SEMA3A: variants seen among roughly 807,000 people sequenced by gnomAD.
The protein encoded by SEMA3A is semaphorin 3A, also known as semaphorin-3A.
In SEMA3A, 29 loss-of-function variants were observed where a neutral mutation model predicts 97.9. The observed-to-expected ratio is 0.30, with a 90% CI of 0.22 to 0.40. The LOEUF (loss-of-function observed/expected upper bound fraction) is 0.40, where lower values mean the gene tolerates loss of function less well. Among genes scored for constraint, SEMA3A ranks in the 10% least tolerant of loss-of-function variants. The pLI, the probability that SEMA3A is intolerant of heterozygous loss-of-function variation, is 1.00. For synonymous variants in SEMA3A, 321 were observed against 323.7 expected, an observed-to-expected ratio of 0.99 and a Z score of 0.09; for missense variants, 763 against 951.3, an observed-to-expected ratio of 0.80 and a Z score of 2.60.
intron 12 of SEMA3A, among the ~76,000 whole-genome samples, chr7:83,998,220 C>T (rs748808889): frequency 2.0e-5 from 3 of 152,082 alleles, no homozygotes; most frequent in South Asian, 2.1e-4. Flanking sequence ...TGTCATTGTG[C>T]GAAAAATCAT....
chr7:84,316,596 G>C (rs1420993394), intron 2 of SEMA3A, among the ~76,000 whole-genome samples: 1 of 152,086 alleles, frequency 6.6e-6, no homozygotes, highest in Admixed American at 6.6e-5. Flanking sequence ...AGCATTAAGA[G>C]AGTAGATAGA....
intron 2 of SEMA3A, among the ~76,000 whole-genome samples, chr7:84,320,055 C>T (rs534852741): frequency 6.6e-6 from 1 of 152,116 alleles, no homozygotes; most frequent in Non-Finnish European, 1.5e-5. Flanking sequence ...AGTTGAATCA[C>T]TTCTCTGTTA....
At chr7:84,099,935 T>G (rs6651129) in intron 4 of SEMA3A, among the ~76,000 whole-genome samples, 123,111 of 152,026 alleles carry the variant, frequency 0.81, 49,924 homozygotes, top group Admixed American at 0.86. Flanking sequence ...GTTTTGTCTG[T>G]CTGAAAACTT....
chr7:84,212,532 AC>A (rs5885404), intron 3 of SEMA3A, among the ~76,000 whole-genome samples: 26,549 of 152,150 alleles, frequency 0.17, 2,856 homozygotes, highest in East Asian at 0.57. Context: ...GAATACTCTT[AC>A]GATGTCTGCA....
chr7:84,325,285 A>G (rs1417270126), intron 2 of SEMA3A, among the ~76,000 whole-genome samples: 1 of 152,106 alleles, frequency 6.6e-6, no homozygotes, highest in South Asian at 2.1e-4. Context: ...AAAGAAATAG[A>G]CAATCAACTA....
chr7:84,264,552 T>A (rs903031602), intron 3 of SEMA3A, among the ~76,000 whole-genome samples: 9 of 152,346 alleles, frequency 5.9e-5, no homozygotes, highest in African/African-American at 2.2e-4. Context: ...TGGATCCATG[T>A]GGTTCAGATG....
At chr7:84,439,909 A>G (rs1922350) in intron 1 of SEMA3A, among the ~76,000 whole-genome samples, 11,185 of 152,246 alleles carry the variant, frequency 0.073, 436 homozygotes, top group East Asian at 0.12. Flanking sequence ...TAAAAATTTA[A>G]TAAACCCAGG....
At chr7:84,375,586 T>G (rs1001935127) in intron 1 of SEMA3A, among the ~76,000 whole-genome samples, 2 of 152,188 alleles carry the variant, frequency 1.3e-5, no homozygotes, top group African/African-American at 4.8e-5. Flanking sequence ...GTACTTATTT[T>G]TGGGGTACTG....
Position 83,981,306 on chromosome 7 carries a change from G to C in SEMA3A, c.1652+15C>G. 1 of 1,611,592 alleles carries C rather than the reference G, an allele frequency of 6.2e-7. No individual in the cohort carries two copies. Among genetic ancestry groups the C allele is most frequent in the Non-Finnish European group, 8.5e-7 (1 of 1,178,462 alleles). On this transcript the variant is annotated intron_variant, in intron 14 of 16. Transcript: ENST00000265362. ...AACTAGCAAACATTTCATTTATTTT[G>C]AATATTTTTCCTACCTCTTTGCAGT...
chr7:84,385,854 A>G (rs529244070), intron 1 of SEMA3A, among the ~76,000 whole-genome samples: 2 of 152,212 alleles, frequency 1.3e-5, no homozygotes, highest in African/African-American at 2.4e-5. Context: ...AAAGCTCTGC[A>G]TTGGACTTTT....
At chr7:84,137,354 T>C (rs1796165530) in intron 1 of SEMA3A, among the ~76,000 whole-genome samples, 3 of 145,982 alleles carry the variant, frequency 2.1e-5, no homozygotes, top group Admixed American at 1.4e-4. Flanking sequence ...TGAGCCGAGA[T>C]TGCACCACTG....
At chr7:84,439,176 T>G (rs1222930243) in intron 1 of SEMA3A, among the ~76,000 whole-genome samples, 1 of 151,954 alleles carries the variant, frequency 6.6e-6, no homozygotes. Context: ...AATAAGAGAC[T>G]GGCAAATGGC....
At chr7:84,402,661 A>C (rs562946563) in intron 1 of SEMA3A, among the ~76,000 whole-genome samples, 2 of 152,326 alleles carry the variant, frequency 1.3e-5, no homozygotes, top group South Asian at 4.1e-4. Context: ...CAGCCATAAA[A>C]AGAATATTAT....
At chr7:84,379,094 A>AT (rs1489830766) in intron 1 of SEMA3A, among the ~76,000 whole-genome samples, 5 of 151,850 alleles carry the variant, frequency 3.3e-5, no homozygotes, top group Admixed American at 1.3e-4. Flanking sequence ...CACCTGGCTA[A>AT]TTTTTTGTAT....
upstream of SEMA3A, among the ~76,000 whole-genome samples, chr7:84,198,697 C>A (rs373478087): frequency 6.6e-6 from 1 of 152,082 alleles, no homozygotes; most frequent in Non-Finnish European, 1.5e-5. Flanking sequence ...TAACTCCTGC[C>A]GTGGAGTTAC....
rs150529563 is a variant in SEMA3A at position 84,060,934 on chromosome 7, T to C, written c.454-376A>G. Among the ~76,000 whole-genome samples, 783 of 152,330 alleles carry C rather than the reference T, an allele frequency of 5.1e-3. 6 individuals are homozygous for C. The highest frequency in any genetic ancestry group is 0.018 in the African/African-American group (729 of 41,580). On this transcript the variant is annotated intron_variant, in intron 4 of 16. Coordinates refer to ENST00000265362, the MANE Select transcript of SEMA3A (RefSeq NM_006080.3). ...ACTTAAATAAAATGACTCATTTCCT[T>C]CCTTTGTAGAAAAGAAAAATAGCAA...
intron 6 of SEMA3A, among the ~76,000 whole-genome samples, chr7:84,029,438 A>G (rs781720522): frequency 7.9e-5 from 12 of 152,180 alleles, no homozygotes; most frequent in Non-Finnish European, 1.6e-4. Flanking sequence ...TTAAATATGG[A>G]TTCGAAGGAT....
At chr7:84,474,363 A>C (rs1383496893) in intron 1 of SEMA3A, among the ~76,000 whole-genome samples, 1 of 152,188 alleles carries the variant, frequency 6.6e-6, no homozygotes, top group Non-Finnish European at 1.5e-5. Context: ...CAGATAGGAA[A>C]ATTACTGTAT....
chr7:84,322,922 T>G (rs1051650221), intron 2 of SEMA3A, among the ~76,000 whole-genome samples: 2 of 152,146 alleles, frequency 1.3e-5, no homozygotes, highest in African/African-American at 2.4e-5. Flanking sequence ...GGCAGGTATG[T>G]GTGTATTCAG....
Sources: gnomAD v4.1 joint callset for allele counts (sites outside exome capture counted in the v4.1 genomes callset) on GRCh38, gnomAD v4.1.1 for gene constraint, MANE v1.5 for transcripts, NCBI Gene and HGNC (gene_info 2026-07-23, HGNC 2026-07-21) for gene names.